Variants in NTNG2 observed in about 807,000 individuals in gnomAD.
NTNG2 encodes netrin-G2.
Under a neutral mutation model 47.6 loss-of-function variants are expected in NTNG2, and 15 were observed. The observed-to-expected ratio is 0.32, with a 90% CI of 0.21 to 0.49. The LOEUF (loss-of-function observed/expected upper bound fraction) is 0.49, where lower values mean the gene tolerates loss of function less well. Among genes scored for constraint, NTNG2 ranks in the 20% least tolerant of loss-of-function variants. The probability of loss-of-function intolerance (pLI) is 0.99; values close to 1 mark genes in which losing one functional copy is unlikely to be tolerated. For missense variants in NTNG2, 578 were observed against 764.6 expected (o/e 0.76, Z 2.88); for synonymous variants, 307 against 324.6 (o/e 0.95, Z 0.58).
Position 132,182,281 on chromosome 9 carries a change from T to C in NTNG2, c.213+15237T>C, listed in dbSNP as rs1417883466. Among the ~76,000 whole-genome samples the C allele has an allele frequency of 2.6e-5, 4 of 152,162 alleles. No individual in the cohort carries two copies. In the East Asian group the frequency reaches 7.7e-4, roughly 29 times the overall value. ...AAAAATTGCACCCAACAATGGACAA[T>C]AATGGGCCTAAAAATAGAGGGTGGA... On this transcript the variant is annotated intron_variant, in intron 2 of 7. Transcript: ENST00000393229. The surrounding 1 kb of genome is among the most constrained non-coding windows in gnomAD (Gnocchi z 4.2).
chr9:132,161,831 C>T (rs1414906455), upstream of NTNG2: 2 of 149,880 alleles, frequency 1.3e-5, no homozygotes, highest in Admixed American at 1.3e-4. This position sits in a 1 kb window ranked among gnomAD's most constrained non-coding sequence, Gnocchi z 7.2. Context: ...GCCCCGGCTC[C>T]CCGACGAGAC....
Position 132,166,703 on chromosome 9 carries a change from C to A in NTNG2, c.-129C>A. On this transcript the variant is annotated 5_prime_UTR_variant, in exon 2 of 8. Coordinates refer to ENST00000393229, the MANE Select transcript of NTNG2 (RefSeq NM_032536.4). ...GTTTGCAAAGCTTCAGTGCTCGGGT[C>A]CCTGGGACACCCCGGCCACCCTCGC... The A allele has an allele frequency of 1.2e-6, 1 of 807,272 alleles. No homozygotes were observed. The highest frequency in any genetic ancestry group is 2.1e-6 in the Non-Finnish European group (1 of 482,070). 50.0% of individuals were successfully genotyped at this position (807,272 alleles called of 1,614,324 possible). A position where few individuals can be genotyped will look rare whatever the true frequency, so the allele number is the denominator to read the frequency against.
At chr9:132,211,187 G>A (rs889618396) in intron 3 of NTNG2, among the ~76,000 whole-genome samples, 2 of 152,128 alleles carry the variant, frequency 1.3e-5, no homozygotes, top group African/African-American at 4.8e-5. Flanking sequence ...TCATGCTTGG[G>A]TTCCTGGAGG....
rs765974149 is a variant in NTNG2, at chr9:132,240,980, G to C, written c.1293G>C (p.Glu431Asp). 6.8e-6 allele frequency: 11 copies of C among 1,611,200 alleles called. No homozygotes were observed. The highest frequency in any genetic ancestry group is 1.7e-4 in the Middle Eastern group (1 of 6,056). ...CNETGFCECR[E>D]GAAGPKCDDC... is the part of the protein sequence containing the mutation. The stretch of plus-strand genomic sequence containing the variant: ...AGACCGGCTTCTGCGAGTGCCGCGA[G>C]GGCGCGGCGGGCCCCAAGTGCGACG... Residue 431 changes from glutamate (E) to aspartate (D), a missense_variant, in exon 7 of 8, where the codon GAG (glutamate) becomes GAC (aspartate). Coordinates refer to ENST00000393229, the MANE Select transcript of NTNG2 (RefSeq NM_032536.4).
chr9:132,240,678 T>G, intron 6 of NTNG2: 1 of 605,342 alleles, frequency 1.7e-6, no homozygotes. Context: ...GCGGGGAAGG[T>G]GGGGCTGGGA....
rs1183570253 is a variant in NTNG2, at chr9:132,215,666, C to T, written c.858-11183C>T. ...CCAGGGGGTGTGTCACCTCTTGGGG[C>T]GCCCCAGGGGCCTGGAGAATAGGTT... On this transcript the variant is annotated intron_variant, in intron 3 of 7. Transcript: ENST00000393229. The surrounding 1 kb of genome is among the most constrained non-coding windows in gnomAD (Gnocchi z 4.2). 2.0e-5 allele frequency among the ~76,000 whole-genome samples: 3 copies of T among 152,158 alleles called. No homozygotes were observed. Among genetic ancestry groups the T allele is most frequent in the South Asian group, 2.1e-4 (1 of 4,832 alleles).
intron 5 of NTNG2, 73 bp downstream of exon 5, chr9:132,230,668 G>A: frequency 6.6e-7 from 1 of 1,505,406 alleles, no homozygotes; most frequent in South Asian, 1.2e-5. Flanking sequence ...GGAAAAAGCT[G>A]GAGAGAAAAA....
At chr9:132,171,906 C>T (rs970520865) in intron 2 of NTNG2, among the ~76,000 whole-genome samples, 41 of 152,332 alleles carry the variant, frequency 2.7e-4, no homozygotes, top group African/African-American at 8.2e-4. Context: ...ACCCTCCAGT[C>T]GGCAGATGTT....
intron 2 of NTNG2, among the ~76,000 whole-genome samples, chr9:132,183,631 C>T (rs933781385): frequency 3.3e-5 from 5 of 152,178 alleles, no homozygotes; most frequent in African/African-American, 9.7e-5. Flanking sequence ...GCAGAACGGT[C>T]AACATTCCCA....
intron 2 of NTNG2, 61 bp downstream of exon 2, chr9:132,167,105 T>A: frequency 6.4e-7 from 1 of 1,568,378 alleles, no homozygotes; most frequent in East Asian, 2.3e-5. Flanking sequence ...CTGGAGGAGA[T>A]CCTTGGGGTG....
intron 5 of NTNG2, among the ~76,000 whole-genome samples, chr9:132,234,982 T>C (rs1841514298): frequency 1.3e-5 from 2 of 152,340 alleles, no homozygotes; most frequent in South Asian, 2.1e-4. Context: ...CCTTTGAAAT[T>C]TGGGCACAGG....
rs372218967 is a variant in NTNG2, at chr9:132,240,877, C to T, written c.1223-33C>T. ...CGAGAAGACGGCGCCCACACGTAGC[C>T]CTGACCGCGCGCCCGTGCCCGTGTC... On this transcript the variant is annotated intron_variant, in intron 6 of 7. Coordinates refer to ENST00000393229, the MANE Select transcript of NTNG2 (RefSeq NM_032536.4). 21 of 1,612,398 alleles carry T rather than the reference C, an allele frequency of 1.3e-5. No homozygotes were observed. In the African/African-American group the frequency reaches 2.1e-4, roughly 16 times the overall value.
chr9:132,231,630 C>T lies in NTNG2; in HGVS notation c.1054+1035C>T. On this transcript the variant is annotated intron_variant, in intron 5 of 7. Coordinates refer to ENST00000393229, the MANE Select transcript of NTNG2 (RefSeq NM_032536.4). The surrounding 1 kb of genome is among the most constrained non-coding windows in gnomAD (Gnocchi z 4.1). ...CCCCCCAACCCTCTCTTGCTTTTCC[C>T]ATCTCTCACCAGGCATCAGCAGGTC... The T allele has an allele frequency of 3.5e-6, 1 of 282,312 alleles. No individual in the cohort carries two copies. Among genetic ancestry groups the T allele is most frequent in the Non-Finnish European group, 7.0e-6 (1 of 143,020 alleles). 17.5% of individuals were successfully genotyped at this position (282,312 alleles called of 1,614,324 possible). A position where few individuals can be genotyped will look rare whatever the true frequency, so the allele number is the denominator to read the frequency against.
rs545066168 is a variant in NTNG2 at position 132,230,526 on chromosome 9, C to G, written c.1031-46C>G. On this transcript the variant is annotated intron_variant, in intron 4 of 7. Transcript: ENST00000393229. The stretch of plus-strand genomic sequence containing the variant: ...CCTCTGCAGGGAGGTGACACCCAGG[C>G]CCCTTCCCCTGGGGCAGCCAGCTCA... The G allele has an allele frequency of 7.6e-6, 12 of 1,574,088 alleles. No individual in the cohort carries two copies. In the South Asian group the frequency reaches 1.2e-4, roughly 15 times the overall value.
At chr9:132,167,611 G>A (rs896957424) in intron 2 of NTNG2, among the ~76,000 whole-genome samples, 1 of 152,210 alleles carries the variant, frequency 6.6e-6, no homozygotes, top group Non-Finnish European at 1.5e-5. Flanking sequence ...GACAGACAGT[G>A]CAGCTTGGGT....
chr9:132,178,435 T>C (rs767336343), intron 2 of NTNG2, among the ~76,000 whole-genome samples: 70 of 152,266 alleles, frequency 4.6e-4, no homozygotes, highest in African/African-American at 1.6e-3. Flanking sequence ...TTATCCATCA[T>C]TTCAAATAGA....
At position 132,197,187 on chromosome 9, in the gene NTNG2, G is replaced by C. The variant is rs1424638604; in HGVS notation, c.214-779G>C. 6.6e-6 allele frequency among the ~76,000 whole-genome samples: 1 copy of C among 152,134 alleles called. No homozygotes were observed. The highest frequency in any genetic ancestry group is 2.4e-5 in the African/African-American group (1 of 41,416). On this transcript the variant is annotated intron_variant, in intron 2 of 7. Transcript: ENST00000393229. This position sits in a 1 kb window ranked among gnomAD's most constrained non-coding sequence, Gnocchi z 4.3. ...GGTGGATCAACGGAGGTCAGAGTTC[G>C]AGACCAGCCTGGCCAACATGGCGAA...
At chr9:132,219,819 T>C (rs1840234540) in intron 3 of NTNG2, among the ~76,000 whole-genome samples, 1 of 152,262 alleles carries the variant, frequency 6.6e-6, no homozygotes, top group South Asian at 2.1e-4. Context: ...TCAACATTCA[T>C]GTACACATTT....
At position 132,231,600 on chromosome 9, in the gene NTNG2, G is replaced by A. The variant is rs1389649159; in HGVS notation, c.1054+1005G>A. The A allele has an allele frequency of 2.0e-5, 6 of 302,102 alleles. No homozygotes were observed. The highest frequency in any genetic ancestry group is 1.1e-4 in the African/African-American group (5 of 43,594). The allele number at this position is 302,102 out of a possible 1,614,324, so 18.7% of individuals were successfully genotyped here. ...TGCTTCTCTGTGGTGTCCCCACCCC[G>A]GCAACCCCCCAACCCTCTCTTGCTT... On this transcript the variant is annotated intron_variant, in intron 5 of 7. Transcript: ENST00000393229. The surrounding 1 kb of genome is among the most constrained non-coding windows in gnomAD (Gnocchi z 4.1).
Sources: gnomAD v4.1 joint callset for allele counts (sites outside exome capture counted in the v4.1 genomes callset) on GRCh38, gnomAD v4.1.1 for gene constraint, Gnocchi (gnomAD v3.1) non-coding constraint, MANE v1.5 for transcripts, NCBI Gene and HGNC (gene_info 2026-07-23, HGNC 2026-07-21) for gene names.